DLGAP2: variants seen among roughly 807,000 people sequenced by gnomAD.
The protein encoded by DLGAP2 is DLG associated protein 2, also known as disks large-associated protein 2.
In DLGAP2, 26 loss-of-function variants were observed where a neutral mutation model predicts 100.3. The observed-to-expected ratio is 0.26, with a 90% CI of 0.19 to 0.36. The LOEUF is 0.36. Ranked by LOEUF, DLGAP2 falls within the 10% of genes least tolerant of loss-of-function variation. The probability of loss-of-function intolerance (pLI) is 1.00; values close to 1 mark genes in which losing one functional copy is unlikely to be tolerated. For missense variants in DLGAP2, 1,858 were observed against 1,453.2 expected (o/e 1.28, Z -4.53); for synonymous variants, 886 against 630.1 (o/e 1.41, Z -6.08).
intron 3 of DLGAP2, among the ~76,000 whole-genome samples, chr8:1,293,651 C>G (rs1800107893): frequency 6.6e-6 from 1 of 152,202 alleles, no homozygotes; most frequent in Admixed American, 6.5e-5. Context: ...AATTATCATG[C>G]CTGCTGTCTC....
intron 2 of DLGAP2, among the ~76,000 whole-genome samples, chr8:1,119,730 C>T (rs1795992439): frequency 6.6e-6 from 1 of 152,196 alleles, no homozygotes; most frequent in African/African-American, 2.4e-5. Flanking sequence ...TTTTTATATC[C>T]AATGGGGAAT....
At chr8:1,501,513 G>A (rs886420898) in intron 4 of DLGAP2, 82 bp downstream of exon 4, 41 of 1,355,246 alleles carry the variant, frequency 3.0e-5, no homozygotes, top group Middle Eastern at 2.3e-4. Context: ...CATGCGGACC[G>A]TCCCACAAAC....
At chr8:1,447,819 G>T (rs140042720) in intron 3 of DLGAP2, among the ~76,000 whole-genome samples, 3,838 of 152,280 alleles carry the variant, frequency 0.025, 135 homozygotes, top group African/African-American at 0.087. Flanking sequence ...TCTTGGGACA[G>T]TGTATGTGTT....
At chr8:1,424,258 G>T (rs1057050899) in intron 3 of DLGAP2, among the ~76,000 whole-genome samples, 3 of 152,194 alleles carry the variant, frequency 2.0e-5, no homozygotes, top group African/African-American at 7.2e-5. Flanking sequence ...GCAAAAGGGG[G>T]TCCCTTCTGT....
At chr8:1,311,856 C>A (rs1171593583) in intron 3 of DLGAP2, among the ~76,000 whole-genome samples, 1 of 152,134 alleles carries the variant, frequency 6.6e-6, no homozygotes, top group African/African-American at 2.4e-5. Context: ...ACACAGCAAT[C>A]CTTAATGTAT....
intron 1 of DLGAP2, among the ~76,000 whole-genome samples, chr8:800,912 C>G (rs1047030040): frequency 6.6e-6 from 1 of 151,858 alleles, no homozygotes; most frequent in Non-Finnish European, 1.5e-5. Context: ...TCCTCGCCCC[C>G]TCAAATGCTG....
At chr8:880,417 C>T (rs1007249636) in intron 1 of DLGAP2, among the ~76,000 whole-genome samples, 10 of 152,344 alleles carry the variant, frequency 6.6e-5, no homozygotes, top group African/African-American at 1.7e-4. Flanking sequence ...CTATCTGGCT[C>T]CTGTGCGGGG....
At chr8:954,312 A>G (rs1299145432) in intron 2 of DLGAP2, among the ~76,000 whole-genome samples, 2 of 152,220 alleles carry the variant, frequency 1.3e-5, no homozygotes, top group African/African-American at 2.4e-5. Flanking sequence ...CTGTTCATCT[A>G]TAAGTGAAAA....
chr8:1,095,694 C>A (rs1380706307), intron 2 of DLGAP2, among the ~76,000 whole-genome samples: 1 of 152,160 alleles, frequency 6.6e-6, no homozygotes, highest in African/African-American at 2.4e-5. Flanking sequence ...GGTCCCAGGC[C>A]AAAACAGTCC....
chr8:1,076,094 G>A (rs180720841), intron 2 of DLGAP2, among the ~76,000 whole-genome samples: 7 of 152,170 alleles, frequency 4.6e-5, no homozygotes, highest in East Asian at 1.9e-4. Context: ...TCACAACAAC[G>A]TTATCTAGAA....
intron 3 of DLGAP2, among the ~76,000 whole-genome samples, chr8:1,281,573 C>A (rs534488530): frequency 6.6e-6 from 1 of 152,240 alleles, no homozygotes; most frequent in African/African-American, 2.4e-5. Flanking sequence ...GAGCGGAGAC[C>A]CAGGGTTGAC....
intron 6 of DLGAP2, among the ~76,000 whole-genome samples, chr8:1,598,743 A>G (rs1280219059): frequency 6.6e-6 from 1 of 151,414 alleles, no homozygotes; most frequent in African/African-American, 2.4e-5. Flanking sequence ...TGTCTATTTG[A>G]TTGTTCTCTG....
chr8:1,072,964 C>T (rs915637262), intron 2 of DLGAP2, among the ~76,000 whole-genome samples: 1 of 152,144 alleles, frequency 6.6e-6, no homozygotes, highest in African/African-American at 2.4e-5. Flanking sequence ...CTATGTGACA[C>T]ATTAGGATTT....
At position 1,462,374 on chromosome 8, in the gene DLGAP2, G is replaced by A. The variant is rs371574172; in HGVS notation, c.107-38992G>A. 3.7e-4 allele frequency among the ~76,000 whole-genome samples: 36 copies of A among 97,384 alleles called. 8 individuals carry two copies. In the South Asian group the frequency reaches 9.9e-3, roughly 27 times the overall value. 63.9% of individuals were successfully genotyped at this position (97,384 alleles called of 152,430 possible). The stretch of plus-strand genomic sequence containing the variant: ...GTGCAGTCGCTGATTCAGTGACCAG[G>A]AGGAGGGAGAAGGGTGGCATTCGGG... On this transcript the variant is annotated intron_variant, in intron 3 of 14. Coordinates refer to ENST00000637795, the MANE Select transcript of DLGAP2 (RefSeq NM_001346810.2).
chr8:1,334,703 C>T (rs1801232409), intron 3 of DLGAP2, among the ~76,000 whole-genome samples: 1 of 152,174 alleles, frequency 6.6e-6, no homozygotes, highest in Admixed American at 6.5e-5. Context: ...AACACCTCCA[C>T]AGCAGCCAGG....
chr8:756,255 A>G (rs1820918160), intron 1 of DLGAP2, among the ~76,000 whole-genome samples: 2 of 152,178 alleles, frequency 1.3e-5, no homozygotes, highest in African/African-American at 4.8e-5. Context: ...TGATGGGCTC[A>G]TGCTGTTTAG....
At chr8:870,571 C>T (rs1797578932) in intron 1 of DLGAP2, among the ~76,000 whole-genome samples, 1 of 152,180 alleles carries the variant, frequency 6.6e-6, no homozygotes, top group Admixed American at 6.5e-5. Flanking sequence ...TTTCCTCTCA[C>T]TTCCTGCTCT....
At chr8:1,275,570 A>T (rs1799666073) in intron 3 of DLGAP2, among the ~76,000 whole-genome samples, 1 of 151,164 alleles carries the variant, frequency 6.6e-6, no homozygotes, top group South Asian at 2.1e-4. Context: ...TCATTCCCAG[A>T]TCTTCACAAA....
At chr8:1,681,848 G>A (rs567231858) in intron 12 of DLGAP2, among the ~76,000 whole-genome samples, 6 of 150,018 alleles carry the variant, frequency 4.0e-5, no homozygotes, top group Middle Eastern at 3.4e-3. Context: ...CGGTGACCCG[G>A]GACTGGGAGT....
Sources: gnomAD v4.1 joint callset for allele counts (sites outside exome capture counted in the v4.1 genomes callset) on GRCh38, gnomAD v4.1.1 for gene constraint, MANE v1.5 for transcripts, NCBI Gene and HGNC (gene_info 2026-07-23, HGNC 2026-07-21) for gene names.